The following ANKS1B variants were observed in gnomAD, a reference collection of about 807,000 sequenced individuals.
ANKS1B encodes the protein ankyrin repeat and sterile alpha motif domain containing 1B.
ANKS1B carries 36 observed loss-of-function variants against 148.3 expected under a neutral mutation model. That is an observed-to-expected ratio of 0.24 (90% confidence interval 0.19 to 0.32). ANKS1B has a LOEUF of 0.32. ANKS1B is among the 10% of genes least tolerant of loss of function. ANKS1B has a pLI of 1.00. For synonymous variants in ANKS1B, 542 were observed against 560.8 expected (o/e 0.97, Z 0.47); for missense variants, 1,157 against 1,542.6 (o/e 0.75, Z 4.19).
chr12:99,915,520 T>A (rs988042011), intron 1 of ANKS1B, among the ~76,000 whole-genome samples: 1 of 152,116 alleles, frequency 6.6e-6, no homozygotes, highest in African/African-American at 2.4e-5. Context: ...GGGATGTCAA[T>A]GTGACTGACA....
chr12:98,870,824 G>A (rs754408311), intron 17 of ANKS1B, among the ~76,000 whole-genome samples: 18 of 152,296 alleles, frequency 1.2e-4, no homozygotes, highest in South Asian at 1.0e-3. Context: ...ACTCAATGCC[G>A]TACCAGGCTC....
In ANKS1B at chr12:99,617,441, T is replaced by C. The variant is rs369446237; in HGVS notation, c.1272+37626A>G. On this transcript the variant is annotated intron_variant, in intron 9 of 26. Transcript: ENST00000683438. The stretch of plus-strand genomic sequence containing the variant: ...AAGAAAATGTGGCACATATACACCA[T>C]GGAATACTATGCAGCCATAAAAAAA... 1.7e-4 allele frequency among the ~76,000 whole-genome samples: 26 copies of C among 152,260 alleles called. No homozygotes were observed. In the East Asian group the frequency reaches 4.6e-3, roughly 27 times the overall value.
At chr12:99,506,159 G>C (rs555551573) in intron 9 of ANKS1B, among the ~76,000 whole-genome samples, 1 of 151,936 alleles carries the variant, frequency 6.6e-6, no homozygotes, top group Non-Finnish European at 1.5e-5. Flanking sequence ...TCAAAAACTC[G>C]TAAGTTGAAC....
intron 17 of ANKS1B, among the ~76,000 whole-genome samples, chr12:98,846,537 G>A (rs910890737): frequency 2.0e-5 from 3 of 152,220 alleles, no homozygotes; most frequent in African/African-American, 4.8e-5. Flanking sequence ...TGGATGAGCC[G>A]AAAACCTCTT....
At chr12:99,662,345 T>C (rs1195105374) in intron 8 of ANKS1B, among the ~76,000 whole-genome samples, 1 of 152,206 alleles carries the variant, frequency 6.6e-6, no homozygotes, top group Non-Finnish European at 1.5e-5. Context: ...AATTTTATAG[T>C]TACTGTGTGA....
chr12:98,906,945 C>T (rs1361538092), intron 17 of ANKS1B, among the ~76,000 whole-genome samples: 1 of 151,962 alleles, frequency 6.6e-6, no homozygotes, highest in Non-Finnish European at 1.5e-5. Context: ...CATACATACA[C>T]ACTGTGAAAT....
intron 8 of ANKS1B, among the ~76,000 whole-genome samples, chr12:99,768,684 G>A (rs918831180): frequency 6.6e-6 from 1 of 152,012 alleles, no homozygotes; most frequent in Admixed American, 6.5e-5. Flanking sequence ...AAATTAGCCA[G>A]GTGTGGTGGC....
chr12:99,740,339 A>G (rs1378396740), intron 8 of ANKS1B, among the ~76,000 whole-genome samples: 2 of 151,952 alleles, frequency 1.3e-5, no homozygotes, highest in Admixed American at 1.3e-4. Context: ...AAAAACAAAA[A>G]ACAAAAAAAC....
At chr12:98,785,793 G>T (rs1002258635) in intron 22 of ANKS1B, among the ~76,000 whole-genome samples, 2 of 152,100 alleles carry the variant, frequency 1.3e-5, no homozygotes, top group African/African-American at 4.8e-5. Flanking sequence ...TGCTCTGCTG[G>T]GTGTCTGTAT....
chr12:99,956,428 T>C (rs962237135), intron 1 of ANKS1B, among the ~76,000 whole-genome samples: 3 of 152,198 alleles, frequency 2.0e-5, no homozygotes, highest in African/African-American at 7.2e-5. Context: ...ATTATTCTAC[T>C]ACATCTCCTT....
At chr12:98,946,389 G>A (rs17460744) in intron 17 of ANKS1B, among the ~76,000 whole-genome samples, 2,808 of 152,240 alleles carry the variant, frequency 0.018, 40 homozygotes, top group Middle Eastern at 0.027. Context: ...TTGAGTTGGA[G>A]TTTTTTGTTA....
chr12:99,590,258 C>CCACACACACA (rs374132496), intron 9 of ANKS1B, among the ~76,000 whole-genome samples: 11 of 132,870 alleles, frequency 8.3e-5, no homozygotes, highest in South Asian at 7.7e-4. Context: ...CCACACCCAC[C>CCACACACACA]CACACACACA....
chr12:98,974,684 G>A (rs1433017785), intron 17 of ANKS1B, among the ~76,000 whole-genome samples: 1 of 152,162 alleles, frequency 6.6e-6, no homozygotes, highest in Non-Finnish European at 1.5e-5. Context: ...AGGGCTGCAT[G>A]AGATGAGTCC....
chr12:99,316,449 G>A lies in ANKS1B; in HGVS notation c.1757-69585C>T, dbSNP rs568657365. ...ATGATAAGCATTTTTTCATGTGTCT[G>A]TTGGGGGCATAAATGCTTTCTTTTG... On this transcript the variant is annotated intron_variant, in intron 12 of 26. Transcript: ENST00000683438. Among the ~76,000 whole-genome samples the A allele has an allele frequency of 2.6e-5, 4 of 152,270 alleles. No individual in the cohort carries two copies. The South Asian group carries it at 6.2e-4, about 24-fold the overall frequency.
At chr12:99,291,879 A>G (rs532288533) in intron 12 of ANKS1B, among the ~76,000 whole-genome samples, 7 of 152,348 alleles carry the variant, frequency 4.6e-5, no homozygotes, top group Admixed American at 4.6e-4. Flanking sequence ...CTTATCTTTG[A>G]CAAACCTGAC....
intron 17 of ANKS1B, among the ~76,000 whole-genome samples, chr12:98,864,387 T>C (rs894828269): frequency 2.0e-5 from 3 of 152,230 alleles, no homozygotes; most frequent in Non-Finnish European, 2.9e-5. Flanking sequence ...ATGGTTAATG[T>C]GTCTACTCAG....
intron 14 of ANKS1B, among the ~76,000 whole-genome samples, chr12:99,174,840 G>A (rs193193563): frequency 2.8e-3 from 419 of 152,106 alleles, no homozygotes; most frequent in Non-Finnish European, 5.0e-3. Context: ...TTTGAGTTAT[G>A]AACTAATATA....
At chr12:99,065,625 T>G (rs1376053978) in intron 16 of ANKS1B, among the ~76,000 whole-genome samples, 11 of 129,650 alleles carry the variant, frequency 8.5e-5, no homozygotes, top group Admixed American at 2.6e-4. Flanking sequence ...CATCCATCCA[T>G]CCATCCATCC....
chr12:99,459,536 G>A (rs768363586), intron 10 of ANKS1B, among the ~76,000 whole-genome samples: 47 of 152,052 alleles, frequency 3.1e-4, no homozygotes, highest in Middle Eastern at 3.4e-3. Flanking sequence ...AAAGTTCCTA[G>A]AACTGGTAAA....
Sources: gnomAD v4.1 joint callset for allele counts (sites outside exome capture counted in the v4.1 genomes callset) on GRCh38, gnomAD v4.1.1 for gene constraint, MANE v1.5 for transcripts, NCBI Gene and HGNC (gene_info 2026-07-23, HGNC 2026-07-21) for gene names.